Variants in KIAA1549L observed in about 807,000 individuals in gnomAD.
KIAA1549L encodes KIAA1549 like, also known as UPF0606 protein KIAA1549L.
In KIAA1549L, 88 loss-of-function variants were observed where a neutral mutation model predicts 160.7. That is an observed-to-expected ratio of 0.55 (90% CI 0.46 to 0.65). The LOEUF (loss-of-function observed/expected upper bound fraction) is 0.65, where lower values mean the gene tolerates loss of function less well. Among genes scored for constraint, KIAA1549L ranks in the 30% least tolerant of loss-of-function variants. The probability of loss-of-function intolerance (pLI) is 0.00; values close to 1 mark genes in which losing one functional copy is unlikely to be tolerated. For missense variants in KIAA1549L, 2,258 were observed against 2,437.5 expected (o/e 0.93, Z 1.55); for synonymous variants, 950 against 976.7 (o/e 0.97, Z 0.51).
Position 33,645,943 on chromosome 11 carries a change from C to G in KIAA1549L, c.5667C>G (p.Thr1889=), listed in dbSNP as rs1320956901. 4 of 1,612,878 alleles carry G rather than the reference C, an allele frequency of 2.5e-6. No homozygotes were observed. In the South Asian group the frequency reaches 4.4e-5, roughly 18 times the overall value. The stretch of plus-strand genomic sequence containing the variant: ...ACCTGCCCTATTCGGAGGTGGTGAC[C>G]AGCGCTCCGGGGACCATGACGCGGC... ...AQHLPYSEVV[T]SAPGTMTRPR... Residue 1889 remains threonine (T), a synonymous_variant, in exon 17 of 21, where the codon ACC becomes ACG. Transcript: ENST00000658780.
At chr11:33,580,571 CAAA>C (rs368467299) in intron 10 of KIAA1549L, among the ~76,000 whole-genome samples, 1 of 52,544 alleles carries the variant, frequency 1.9e-5, no homozygotes, top group African/African-American at 5.6e-5. Context: ...GATTCTGCCT[CAAA>C]AAAAAAAAAA....
intron 1 of KIAA1549L, among the ~76,000 whole-genome samples, chr11:33,456,683 A>T (rs1851830831): frequency 6.6e-6 from 1 of 152,188 alleles, no homozygotes; most frequent in Non-Finnish European, 1.5e-5. Flanking sequence ...AAGTGCTGGG[A>T]CTACAGGCGT....
In KIAA1549L at chr11:33,658,874, G is replaced by A. The variant is rs759345108; in HGVS notation, c.5983G>A (p.Asp1995Asn). Residue 1995 changes from aspartate (D) to asparagine (N), a missense_variant, in exon 19 of 21, where the codon GAT becomes AAT. Physicochemically the swap from Asp to Asn is conservative, Grantham distance 23 (BLOSUM62 1). Transcript: ENST00000658780. ...SRGPVSVTQL[D>N]QSALNYSGNT... ...AGGCCCTGTGTCCGTGACGCAGTTG[G>A]ATCAGTCGGCTTTAAATTACTCAGG... 6.4e-7 allele frequency: 1 copy of A among 1,559,052 alleles called. No individual in the cohort carries two copies. The highest frequency in any genetic ancestry group is 1.2e-5 in the South Asian group (1 of 84,172).
chr11:33,407,200 T>C (rs1191864795), intron 1 of KIAA1549L, among the ~76,000 whole-genome samples: 5 of 147,218 alleles, frequency 3.4e-5, no homozygotes, highest in Non-Finnish European at 6.0e-5. Flanking sequence ...TTCTCCTGCC[T>C]CAGCCTCCCG....
intron 1 of KIAA1549L, among the ~76,000 whole-genome samples, chr11:33,396,480 G>A (rs768368097): frequency 6.6e-6 from 1 of 152,128 alleles, no homozygotes; most frequent in Non-Finnish European, 1.5e-5. Context: ...TGGGTTAATC[G>A]GAAGGAGGAC....
intron 1 of KIAA1549L, among the ~76,000 whole-genome samples, chr11:33,396,438 T>C (rs1000226907): frequency 5.3e-5 from 8 of 152,196 alleles, no homozygotes; most frequent in Non-Finnish European, 2.9e-5. Flanking sequence ...AAGAGATTAA[T>C]GTGGATTTTG....
intron 1 of KIAA1549L, among the ~76,000 whole-genome samples, chr11:33,460,662 A>T (rs1851924274): frequency 6.6e-6 from 1 of 152,228 alleles, no homozygotes; most frequent in Non-Finnish European, 1.5e-5. Flanking sequence ...AGGGAGATTT[A>T]TGCATAGTGG....
chr11:33,457,980 C>T (rs1358486003), intron 1 of KIAA1549L, among the ~76,000 whole-genome samples: 1 of 152,180 alleles, frequency 6.6e-6, no homozygotes, highest in African/African-American at 2.4e-5. Flanking sequence ...TTCCATGTCC[C>T]GTCTGCTTCC....
chr11:33,386,098 A>G (rs1850167243), intron 1 of KIAA1549L, among the ~76,000 whole-genome samples: 1 of 152,202 alleles, frequency 6.6e-6, no homozygotes, highest in Non-Finnish European at 1.5e-5. Context: ...TGCACTGGCT[A>G]GAACTTCTAG....
intron 6 of KIAA1549L, among the ~76,000 whole-genome samples, chr11:33,558,728 G>A (rs534876773): frequency 1.3e-5 from 2 of 152,216 alleles, no homozygotes; most frequent in East Asian, 1.9e-4. Flanking sequence ...AAAGAAAACC[G>A]TGCCATCTCA....
intron 1 of KIAA1549L, among the ~76,000 whole-genome samples, chr11:33,528,725 G>T (rs1853670255): frequency 6.6e-6 from 1 of 152,172 alleles, no homozygotes; most frequent in East Asian, 1.9e-4. Context: ...GAAGTAACTT[G>T]GGAATGAAAA....
At chr11:33,446,515 C>T (rs1004738102) in intron 1 of KIAA1549L, among the ~76,000 whole-genome samples, 2 of 151,946 alleles carry the variant, frequency 1.3e-5, no homozygotes, top group East Asian at 1.9e-4. Flanking sequence ...ATTGAAATTA[C>T]GAGGGACATT....
chr11:33,536,731 A>G (rs900759342), intron 1 of KIAA1549L, among the ~76,000 whole-genome samples: 10 of 152,226 alleles, frequency 6.6e-5, no homozygotes, highest in African/African-American at 1.9e-4. Context: ...TAAATCAATA[A>G]TAGAATCTGG....
At chr11:33,505,325 A>G (rs1333251438) in intron 1 of KIAA1549L, among the ~76,000 whole-genome samples, 1 of 152,132 alleles carries the variant, frequency 6.6e-6, no homozygotes, top group Non-Finnish European at 1.5e-5. Context: ...ATCTCCAGTG[A>G]ATGCCTCTTA....
In KIAA1549L at chr11:33,668,368, C is replaced by CT; in HGVS notation, c.*216dup. 3 of 590,836 alleles carry CT rather than the reference C, an allele frequency of 5.1e-6. No homozygotes were observed. The highest frequency in any genetic ancestry group is 9.0e-6 in the Non-Finnish European group (3 of 334,656). The allele number at this position is 590,836 out of a possible 1,614,324, so 36.6% of individuals were successfully genotyped here. A position where few individuals can be genotyped will look rare whatever the true frequency, so the allele number is the denominator to read the frequency against. On this transcript the variant is annotated 3_prime_UTR_variant, in exon 21 of 21. Coordinates refer to ENST00000658780, the MANE Select transcript of KIAA1549L (RefSeq NM_012194.3). Reference sequence around the variant, plus strand: ...AACTGATTGTGGGTCAAGTCCCTGGCTTGGGGCCTTATGTTTGATACTCTC... The same window carrying CT: ...AACTGATTGTGGGTCAAGTCCCTGGCTTTGGGGCCTTATGTTTGATACTCTC...
At chr11:33,589,298 T>A (rs1334927604) in intron 11 of KIAA1549L, among the ~76,000 whole-genome samples, 1 of 152,082 alleles carries the variant, frequency 6.6e-6, no homozygotes, top group African/African-American at 2.4e-5. Flanking sequence ...TAGGAACACT[T>A]TTACACCGTT....
Position 33,544,080 on chromosome 11 carries a change from G to T in KIAA1549L, c.2517G>T (p.Gln839His), listed in dbSNP as rs1369937105. The change falls in exon 2 of 21, where the codon CAG (glutamine) becomes CAT (histidine). Residue 839 changes from glutamine (Q) to histidine (H), a missense_variant. Coordinates refer to ENST00000658780, the MANE Select transcript of KIAA1549L (RefSeq NM_012194.3). ...ATCCTCAGCTACAGTTGCCCAACCA[G>T]CCAGCACATCCTCTTTTGCTAACCT... ...VSHPQLQLPN[Q>H]PAHPLLLTSP... 6.2e-7 allele frequency: 1 copy of T among 1,613,998 alleles called. No individual in the cohort carries two copies.
At chr11:33,403,294 C>CATGCACACACATGCAGACAG (rs1590221355) in intron 1 of KIAA1549L, 1 of 38,582 alleles carries the variant, frequency 2.6e-5, no homozygotes, top group South Asian at 1.2e-3. Context: ...CACACACACA[C>CATGCACACACATGCAGACAG]ACACACGCAT....
At chr11:33,613,382 G>T (rs1187912654) in intron 15 of KIAA1549L, among the ~76,000 whole-genome samples, 3 of 152,062 alleles carry the variant, frequency 2.0e-5, no homozygotes, top group African/African-American at 7.3e-5. Context: ...TCATATGCTT[G>T]TTGGCCACAT....
Sources: allele counts gnomAD v4.1 joint callset (sites outside exome capture counted in the v4.1 genomes callset), GRCh38; gene constraint gnomAD v4.1.1; transcripts MANE v1.5; gene names NCBI Gene and HGNC (gene_info 2026-07-23, HGNC 2026-07-21).